LMAN1: variants seen among roughly 807,000 people sequenced by gnomAD.
LMAN1 encodes lectin, mannose binding 1, also known as protein ERGIC-53.
LMAN1 carries 32 observed loss-of-function variants against 67.8 expected under a neutral mutation model. The observed-to-expected ratio is 0.47, with a 90% CI of 0.36 to 0.63. LMAN1 has a LOEUF of 0.63. Ranked by LOEUF, LMAN1 falls within the 30% of genes least tolerant of loss-of-function variation. The pLI is 0.00. For missense variants in LMAN1, 632 were observed against 628.2 expected (o/e 1.01, Z -0.06); for synonymous variants, 235 against 219.3 (o/e 1.07, Z -0.63).
intron 11 of LMAN1, chr18:59,331,789 A>T (rs2070749169): frequency 2.1e-6 from 1 of 479,256 alleles, no homozygotes; most frequent in Admixed American, 3.3e-5. Context: ...TCTGCATTAC[A>T]GTATATGATG....
In LMAN1 at chr18:59,338,610, C is replaced by T; in HGVS notation, c.1167G>A (p.Leu389=). 2 of 1,613,714 alleles carry T rather than the reference C, an allele frequency of 1.2e-6. No homozygotes were observed. Among genetic ancestry groups the T allele is most frequent in the South Asian group, 2.2e-5 (2 of 91,068 alleles). The change falls in exon 10 of 13, where the codon CTG becomes CTA. Residue 389 remains leucine (L), a synonymous_variant. Coordinates refer to ENST00000251047, the MANE Select transcript of LMAN1 (RefSeq NM_005570.4). ...GQHGQITQQE[L]DTVVKTQHEI... ...CATGCTGAGTTTTCACAACAGTATC[C>T]AGTTCTTGTTGAGTAATCTGGAGGA...
At chr18:59,349,516 G>A (rs1908495757) in intron 5 of LMAN1, among the ~76,000 whole-genome samples, 1 of 152,120 alleles carries the variant, frequency 6.6e-6, no homozygotes, top group East Asian at 1.9e-4. Context: ...AAGACCTAGG[G>A]AGTCATCATT....
In LMAN1 at chr18:59,338,907, GAC is replaced by G; in HGVS notation, c.1000_1001del (p.Val334LeufsTer2). 1 of 1,613,518 alleles carries G rather than the reference GAC, an allele frequency of 6.2e-7. No individual in the cohort carries two copies. Among genetic ancestry groups the G allele is most frequent in the Non-Finnish European group, 8.5e-7 (1 of 1,179,906 alleles). On this transcript the variant is annotated frameshift_variant, in exon 9 of 13. Coordinates refer to ENST00000251047, the MANE Select transcript of LMAN1 (RefSeq NM_005570.4). LOFTEE classifies it high-confidence loss of function. The part of the protein sequence containing the change: ...ESVGDRELRQ[V>X]FEGQNRIHLE... Reference sequence around the variant, plus strand: ...GATGAATACGATTCTGTCCTTCAAAGACTTGTCTTAGCTCTCGATCTCCTACA... The same window carrying G: ...GATGAATACGATTCTGTCCTTCAAAGTTGTCTTAGCTCTCGATCTCCTACA...
chr18:59,345,402 G>A (rs1263076034), intron 8 of LMAN1, among the ~76,000 whole-genome samples: 1 of 152,162 alleles, frequency 6.6e-6, no homozygotes, highest in African/African-American at 2.4e-5. Flanking sequence ...TACAGTCCAG[G>A]ATTCTATCGA....
Position 59,347,580 on chromosome 18 carries a change from TAAA to T in LMAN1, c.764-12_764-10del. The stretch of plus-strand genomic sequence containing the variant: ...AAGGACATCATGGTCATCTACAAAT[TAAA>T]AAAAAAAAAGTCTGAAAAAGTTCCA... On this transcript the variant is annotated splice_polypyrimidine_tract_variant and intron_variant, in intron 6 of 12. Transcript: ENST00000251047. The T allele has an allele frequency of 1.1e-5, 15 of 1,338,058 alleles. No individual in the cohort carries two copies. Among genetic ancestry groups the T allele is most frequent in the South Asian group, 2.7e-5 (2 of 72,872 alleles). 82.9% of individuals were successfully genotyped at this position (1,338,058 alleles called of 1,614,324 possible).
chr18:59,353,619 A>C (rs1908594413), intron 4 of LMAN1, among the ~76,000 whole-genome samples: 3 of 152,214 alleles, frequency 2.0e-5, no homozygotes, highest in Non-Finnish European at 4.4e-5. Context: ...GCTGAAACTC[A>C]CTAAGGCAGA....
In LMAN1 at chr18:59,349,167, T is replaced by C. The variant is rs1221130962; in HGVS notation, c.709A>G (p.Ile237Val). The C allele has an allele frequency of 1.2e-6, 2 of 1,614,018 alleles. No individual in the cohort carries two copies. Residue 237 changes from isoleucine to valine, a missense_variant, in exon 6 of 13, where the codon ATT (isoleucine) becomes GTT (valine). Coordinates refer to ENST00000251047, the MANE Select transcript of LMAN1 (RefSeq NM_005570.4). The stretch of plus-strand genomic sequence containing the variant: ...CCAAAATGCCCTTGTGCAGGGATAA[T>C]CATATTTTCCACTTTGGCACAAAAT... Reference protein sequence around the residue: ...YEFCAKVENMIIPAQGHFGIS... With the variant: ...YEFCAKVENMVIPAQGHFGIS...
intron 7 of LMAN1, 145 bp downstream of exon 7, chr18:59,347,368 A>C: frequency 8.3e-6 from 3 of 363,444 alleles, no homozygotes; most frequent in Non-Finnish European, 1.5e-5. Flanking sequence ...AAAGAAATGA[A>C]GCATTACAGA....
intron 4 of LMAN1, 22 bp from the exon 5 acceptor site, chr18:59,353,323 A>C: frequency 6.6e-7 from 1 of 1,520,864 alleles, no homozygotes; most frequent in South Asian, 1.1e-5. Context: ...GGGGGAGGAA[A>C]ACAGACAAGA....
chr18:59,359,201 G>C lies in LMAN1; in HGVS notation c.44C>G (p.Pro15Arg). 6.2e-7 allele frequency: 1 copy of C among 1,613,988 alleles called. No homozygotes were observed. The highest frequency in any genetic ancestry group is 8.5e-7 in the Non-Finnish European group (1 of 1,179,914). ...RQRGLRARVR[P>R]LFCALLLSLG... ...TGACAGCAGCAAGGCGCAGAACAGCGGCCGAACTCTGGCCCGGAGACCCCT... is the reference window on the plus strand; with the variant it reads ...TGACAGCAGCAAGGCGCAGAACAGCCGCCGAACTCTGGCCCGGAGACCCCT... The change falls in exon 1 of 13, where the codon CCG becomes CGG. Residue 15 changes from proline (P) to arginine (R), a missense_variant. By Grantham distance (103) the Pro-to-Arg change is moderately radical. Transcript: ENST00000251047.
intron 11 of LMAN1, 62 bp downstream of exon 11, chr18:59,333,029 A>C: frequency 7.5e-7 from 1 of 1,336,160 alleles, no homozygotes. Context: ...TACTTGCAGT[A>C]GAGTATGAGT....
At chr18:59,356,774 C>T (rs1908669189) in intron 1 of LMAN1, among the ~76,000 whole-genome samples, 1 of 152,108 alleles carries the variant, frequency 6.6e-6, no homozygotes, top group South Asian at 2.1e-4. Context: ...TTTCAAAAAC[C>T]TTAACCTTTC....
Position 59,349,166 on chromosome 18 carries a change from A to C in LMAN1, c.710T>G (p.Ile237Ser). Reference protein sequence around the residue: ...YEFCAKVENMIIPAQGHFGIS... With the variant: ...YEFCAKVENMSIPAQGHFGIS... ...TCCAAAATGCCCTTGTGCAGGGATA[A>C]TCATATTTTCCACTTTGGCACAAAA... Residue 237 changes from isoleucine to serine, a missense_variant, in exon 6 of 13, where the codon ATT becomes AGT. Physicochemically the swap from Ile to Ser is moderately radical, Grantham distance 142. Coordinates refer to ENST00000251047, the MANE Select transcript of LMAN1 (RefSeq NM_005570.4). 6.2e-7 allele frequency: 1 copy of C among 1,614,022 alleles called. No individual in the cohort carries two copies. The highest frequency in any genetic ancestry group is 8.5e-7 in the Non-Finnish European group (1 of 1,179,884).
At chr18:59,352,127 A>G (rs896788187) in intron 5 of LMAN1, among the ~76,000 whole-genome samples, 2 of 152,232 alleles carry the variant, frequency 1.3e-5, no homozygotes, top group Non-Finnish European at 2.9e-5. Context: ...CTTAGTTATC[A>G]TAACTGCCAG....
At chr18:59,347,647 A>G (rs1471889802) in intron 6 of LMAN1, 76 bp from the exon 7 acceptor site, 1 of 1,055,656 alleles carries the variant, frequency 9.5e-7, no homozygotes, top group South Asian at 1.5e-5. Context: ...TATTTTATCA[A>G]TATTTATTGT....
At chr18:59,344,162 A>G (rs1035251213) in intron 8 of LMAN1, among the ~76,000 whole-genome samples, 1 of 152,164 alleles carries the variant, frequency 6.6e-6, no homozygotes, top group Non-Finnish European at 1.5e-5. Flanking sequence ...CAAGATGTGG[A>G]GAAGAGGGAA....
rs1201816703 is a variant in LMAN1, at chr18:59,328,727, C to T, written c.*2366G>A. ...GCCATGACCCAGATGGTCCATGGATCATACTTTGAGAAACACTGATATCCC... is the reference window on the plus strand; with the variant it reads ...GCCATGACCCAGATGGTCCATGGATTATACTTTGAGAAACACTGATATCCC... On this transcript the variant is annotated 3_prime_UTR_variant, in exon 13 of 13. Transcript: ENST00000251047. 6.6e-6 allele frequency: 1 copy of T among 152,084 alleles called. No homozygotes were observed. Among genetic ancestry groups the T allele is most frequent in the Non-Finnish European group, 1.5e-5 (1 of 68,012 alleles). 9.4% of individuals were successfully genotyped at this position (152,084 alleles called of 1,614,324 possible). A position where few individuals can be genotyped will look rare whatever the true frequency, so the allele number is the denominator to read the frequency against.
chr18:59,331,784 A>G, intron 11 of LMAN1: 4 of 482,460 alleles, frequency 8.3e-6, no homozygotes, highest in South Asian at 2.1e-5. Flanking sequence ...TCCTGTCTGC[A>G]TTACAGTATA....
At chr18:59,350,546 G>C (rs1418846062) in intron 5 of LMAN1, among the ~76,000 whole-genome samples, 3 of 152,136 alleles carry the variant, frequency 2.0e-5, no homozygotes, top group Admixed American at 2.0e-4. Context: ...CCAGGCTGGA[G>C]TGCAGTGGTG....
Sources: allele counts gnomAD v4.1 joint callset (sites outside exome capture counted in the v4.1 genomes callset), GRCh38; gene constraint gnomAD v4.1.1; transcripts MANE v1.5; gene names NCBI Gene and HGNC (gene_info 2026-07-23, HGNC 2026-07-21).